ZNF592: variants seen among roughly 807,000 people sequenced by gnomAD.
The protein encoded by ZNF592 is zinc finger protein 592, also known as spinocerebellar ataxia, autosomal recessive 5.
In ZNF592, 11 loss-of-function variants were observed where a neutral mutation model predicts 80.3. The ratio of observed to expected loss-of-function variants is 0.14; its 90% CI spans 0.09 to 0.23. The LOEUF is 0.23. Ranked by LOEUF, ZNF592 falls within the 10% of genes least tolerant of loss-of-function variation. The pLI is 1.00. For missense variants in ZNF592, 1,420 were observed against 1,633.9 expected (o/e 0.87, Z 2.26); for synonymous variants, 646 against 640.3 (o/e 1.01, Z -0.13).
intron 1 of ZNF592, among the ~76,000 whole-genome samples, chr15:84,756,848 A>G (rs1161307031): frequency 3.3e-5 from 5 of 151,900 alleles, no homozygotes; most frequent in Non-Finnish European, 7.4e-5. Flanking sequence ...ACAGTGGCTC[A>G]CTCCTGTAAT....
In ZNF592 at chr15:84,790,245, A is replaced by T. The variant is rs187060315; in HGVS notation, c.2221-460A>T. On this transcript the variant is annotated intron_variant, in intron 4 of 10. Transcript: ENST00000560079. Reference sequence around the variant, plus strand: ...CTCAGATCCACTTTGGAAGTCACTGATCCACCTGACTCGAGGTGCTGAGCA... The same window carrying T: ...CTCAGATCCACTTTGGAAGTCACTGTTCCACCTGACTCGAGGTGCTGAGCA... Among the ~76,000 whole-genome samples the T allele has an allele frequency of 4.0e-3, 603 of 152,202 alleles. 2 individuals carry two copies. The highest frequency in any genetic ancestry group is 0.014 in the African/African-American group (574 of 41,518).
At chr15:84,777,943 C>T (rs1446483233) in intron 2 of ZNF592, among the ~76,000 whole-genome samples, 1 of 152,182 alleles carries the variant, frequency 6.6e-6, no homozygotes, top group South Asian at 2.1e-4. Flanking sequence ...GGTGATCCGC[C>T]CGCCTCGGCC....
intron 2 of ZNF592, among the ~76,000 whole-genome samples, chr15:84,767,077 C>T (rs1899549908): frequency 6.6e-6 from 1 of 152,196 alleles, no homozygotes; most frequent in Non-Finnish European, 1.5e-5. Context: ...TCACTACAGC[C>T]TTCGCCTCTG....
At chr15:84,779,052 A>G (rs1232663626) in intron 3 of ZNF592, among the ~76,000 whole-genome samples, 1 of 152,238 alleles carries the variant, frequency 6.6e-6, no homozygotes. Context: ...GGGAGAAGAC[A>G]GAAGGAAGAA....
At chr15:84,770,208 G>A (rs983516108) in intron 2 of ZNF592, among the ~76,000 whole-genome samples, 8 of 152,170 alleles carry the variant, frequency 5.3e-5, no homozygotes, top group Non-Finnish European at 8.8e-5. Flanking sequence ...ACTGAAATGC[G>A]GAAGGCTGTA....
intron 5 of ZNF592, among the ~76,000 whole-genome samples, chr15:84,794,375 A>G (rs1408259432): frequency 6.6e-6 from 1 of 152,176 alleles, no homozygotes; most frequent in Non-Finnish European, 1.5e-5. Flanking sequence ...CACCCTTGCC[A>G]ACACTTGTTA....
In ZNF592 at chr15:84,784,972, C is replaced by T. The variant is rs1237171342; in HGVS notation, c.2220+77C>T. ...CCATGACTGGGCATGGAGAGGAAAG[C>T]TCATTGATATGGGGGCAGTGGTGGA... On this transcript the variant is annotated intron_variant, in intron 4 of 10. Transcript: ENST00000560079. This position sits in a 1 kb window ranked among gnomAD's most constrained non-coding sequence, Gnocchi z 5.8. 1.1e-5 allele frequency: 17 copies of T among 1,520,314 alleles called. No individual in the cohort carries two copies. The highest frequency in any genetic ancestry group is 1.6e-5 in the Non-Finnish European group (17 of 1,096,670). 94.2% of individuals were successfully genotyped at this position (1,520,314 alleles called of 1,614,324 possible).
intron 5 of ZNF592, 103 bp downstream of exon 5, chr15:84,790,986 C>G: frequency 7.5e-7 from 1 of 1,341,398 alleles, no homozygotes; most frequent in Admixed American, 1.8e-5. Flanking sequence ...GGCTTGGGTT[C>G]CAGTCTACAC....
chr15:84,784,147 C>T lies in ZNF592; in HGVS notation c.1472C>T (p.Ser491Phe). ...KKQQSTALQA[S>F]TLAPANLLPK... is the part of the protein sequence containing the mutation. ...CAACAGAGCACAGCACTGCAGGCAT[C>T]CACCCTGGCCCCTGCCAACCTCCTG... Residue 491 changes from serine (S) to phenylalanine (F), a missense_variant, in exon 4 of 11, where the codon TCC becomes TTC. Around this residue, in one of 7 missense-constraint regions of ZNF592, gnomAD observed 524 missense variants for 628.3 expected, o/e 0.83. Transcript: ENST00000560079. The surrounding 1 kb of genome is among the most constrained non-coding windows in gnomAD (Gnocchi z 5.8). 6.2e-7 allele frequency: 1 copy of T among 1,614,156 alleles called. No homozygotes were observed. Among genetic ancestry groups the T allele is most frequent in the Non-Finnish European group, 8.5e-7 (1 of 1,180,040 alleles).
At chr15:84,778,579 C>A (rs942301485) in intron 3 of ZNF592, among the ~76,000 whole-genome samples, 1 of 152,204 alleles carries the variant, frequency 6.6e-6, no homozygotes, top group African/African-American at 2.4e-5. Flanking sequence ...GGCCGACTTG[C>A]ATATCAAAGG....
At chr15:84,790,996 C>G in intron 5 of ZNF592, 113 bp downstream of exon 5, 1 of 1,228,184 alleles carries the variant, frequency 8.1e-7, no homozygotes, top group South Asian at 1.2e-5. Flanking sequence ...CCAGTCTACA[C>G]AGGACAAGAG....
In ZNF592 at chr15:84,790,757, A is replaced by G. The variant is rs1380447586; in HGVS notation, c.2273A>G (p.His758Arg). 1 of 1,614,094 alleles carries G rather than the reference A, an allele frequency of 6.2e-7. No individual in the cohort carries two copies. The highest frequency in any genetic ancestry group is 8.5e-7 in the Non-Finnish European group (1 of 1,180,012). Residue 758 changes from histidine to arginine, a missense_variant, in exon 5 of 11, where the codon CAC (histidine) becomes CGC (arginine). Transcript: ENST00000560079. ...LLPNQCSFCAHQRIHAHKSPY... is the reference protein window; with the variant it reads ...LLPNQCSFCARQRIHAHKSPY... ...CCCAACCAGTGCAGTTTCTGTGCCC[A>G]CCAGCGGATTCATGCACACAAGTCC...
At chr15:84,789,128 A>G (rs930770296) in intron 4 of ZNF592, among the ~76,000 whole-genome samples, 29 of 151,894 alleles carry the variant, frequency 1.9e-4, no homozygotes, top group Admixed American at 1.0e-3. Context: ...CGTGCCTATA[A>G]TCCCAGCTAC....
Position 84,784,944 on chromosome 15 carries a change from G to C in ZNF592, c.2220+49G>C. On this transcript the variant is annotated intron_variant, in intron 4 of 10. Transcript: ENST00000560079. The surrounding 1 kb of genome is among the most constrained non-coding windows in gnomAD (Gnocchi z 5.8). ...GGTATCGGGCCCCTGGCTCACACAG[G>C]TTCCATGACTGGGCATGGAGAGGAA... 3.1e-6 allele frequency: 5 copies of C among 1,606,362 alleles called. No individual in the cohort carries two copies. Among genetic ancestry groups the C allele is most frequent in the Non-Finnish European group, 4.3e-6 (5 of 1,173,570 alleles).
In ZNF592 at chr15:84,784,580, C is replaced by T. The variant is rs147335253; in HGVS notation, c.1905C>T (p.His635=). The T allele has an allele frequency of 1.6e-5, 26 of 1,614,092 alleles. No homozygotes were observed. In the South Asian group the frequency reaches 1.6e-4, roughly 10 times the overall value. ...TCAACAAGTGCAGCCTGCTCCGGCACGCCCGTGACCACAAGAGCAAGGGGC... is the reference window on the plus strand; with the variant it reads ...TCAACAAGTGCAGCCTGCTCCGGCATGCCCGTGACCACAAGAGCAAGGGGC... The part of the protein sequence containing the change: ...LFFNKCSLLR[H]ARDHKSKGLV... Residue 635 remains histidine, a synonymous_variant, in exon 4 of 11, where the codon CAC becomes CAT. Transcript: ENST00000560079. The surrounding 1 kb of genome is among the most constrained non-coding windows in gnomAD (Gnocchi z 5.8).
chr15:84,772,003 G>C (rs950962517), intron 2 of ZNF592, among the ~76,000 whole-genome samples: 1 of 152,180 alleles, frequency 6.6e-6, no homozygotes, highest in Non-Finnish European at 1.5e-5. Flanking sequence ...CTTAAAGTTA[G>C]TTTAATTTTA....
Position 84,798,783 on chromosome 15 carries a change from C to T in ZNF592, c.2932C>T (p.Leu978=), listed in dbSNP as rs1963005987. The T allele has an allele frequency of 6.2e-7, 1 of 1,603,416 alleles. No individual in the cohort carries two copies. The highest frequency in any genetic ancestry group is 8.5e-7 in the Non-Finnish European group (1 of 1,179,640). Residue 978 remains leucine, a synonymous_variant, in exon 8 of 11, where the codon CTG becomes TTG. Transcript: ENST00000560079. This position sits in a 1 kb window ranked among gnomAD's most constrained non-coding sequence, Gnocchi z 4.5. ...CCGCAGGGTGGAAGCCAGGCCGCGG[C>T]TGAGGAACACTGGCTGGACCTGCCA... is the stretch of plus-strand genomic sequence containing the variant. ...AHRRVEARPR[L]RNTGWTCQEC... is the part of the protein sequence containing the mutation.
intron 1 of ZNF592, among the ~76,000 whole-genome samples, chr15:84,751,151 C>T (rs1464841146): frequency 6.6e-6 from 1 of 152,014 alleles, no homozygotes; most frequent in Non-Finnish European, 1.5e-5. Context: ...GAAGGGAAGG[C>T]AAAAATGAAT....
intron 4 of ZNF592, among the ~76,000 whole-genome samples, chr15:84,789,063 C>A (rs866299060): frequency 3.7e-4 from 55 of 147,202 alleles, no homozygotes; most frequent in Non-Finnish European, 6.9e-4. Context: ...AAAAAAAAAA[C>A]AAAAAAAACA....
Sources: gnomAD v4.1 joint callset for allele counts (sites outside exome capture counted in the v4.1 genomes callset) on GRCh38, gnomAD v4.1.1 for gene constraint, gnomAD v4.1.1 regional missense constraint, Gnocchi (gnomAD v3.1) non-coding constraint, MANE v1.5 for transcripts, NCBI Gene and HGNC (gene_info 2026-07-23, HGNC 2026-07-21) for gene names.